TNFRSF10C: variants seen among roughly 807,000 people sequenced by gnomAD.
TNFRSF10C encodes the protein tumor necrosis factor receptor superfamily member 10C.
In TNFRSF10C, 17 loss-of-function variants were observed where a neutral mutation model predicts 16.7. The ratio of observed to expected loss-of-function variants is 1.02; its 90% CI spans 0.70 to 1.53. TNFRSF10C has a LOEUF of 1.53. TNFRSF10C is among the 40% of genes most tolerant of loss of function. The pLI, the probability that TNFRSF10C is intolerant of heterozygous loss-of-function variation, is 0.00. For missense variants in TNFRSF10C, 237 were observed against 329.7 expected, an observed-to-expected ratio of 0.72 and a Z score of 2.18; for synonymous variants, 73 against 119.7, an observed-to-expected ratio of 0.61 and a Z score of 2.55.
At chr8:23,115,197 G>A (rs1057047164) in intron 3 of TNFRSF10C, among the ~76,000 whole-genome samples, 2 of 152,054 alleles carry the variant, frequency 1.3e-5, no homozygotes, top group Non-Finnish European at 2.9e-5. Context: ...CAAGGCCTCC[G>A]TCTCCTTGCA....
chr8:23,111,708 T>G lies in TNFRSF10C; in HGVS notation c.61-12T>G, dbSNP rs1285471636. 6.2e-7 allele frequency: 1 copy of G among 1,611,968 alleles called. No homozygotes were observed. The highest frequency in any genetic ancestry group is 1.7e-5 in the Admixed American group (1 of 59,986). On this transcript the variant is annotated splice_polypyrimidine_tract_variant and intron_variant, in intron 1 of 4. Coordinates refer to ENST00000356864, the MANE Select transcript of TNFRSF10C (RefSeq NM_003841.5). ...GAAGTCACTCACACCCATCACTCCT[T>G]TGTCCCCACAGGTCCTAGCTTACTC...
intron 1 of TNFRSF10C, chr8:23,103,395 C>T (rs1190601546): frequency 3.7e-6 from 3 of 809,872 alleles, no homozygotes; most frequent in South Asian, 1.7e-5. Context: ...GGCGGTCCCC[C>T]TGGCTGCCCC....
Position 23,102,998 on chromosome 8 carries a change from A to C in TNFRSF10C, c.-124A>C. On this transcript the variant is annotated 5_prime_UTR_variant, in exon 1 of 5. Transcript: ENST00000356864. ...CTGATAGATTTTTGGGAGTTTGACC[A>C]GAGATGCAAGGGGTGAAGGAGCGCT... 4 of 1,537,416 alleles carry C rather than the reference A, an allele frequency of 2.6e-6. No homozygotes were observed. The highest frequency in any genetic ancestry group is 1.4e-5 in the African/African-American group (1 of 72,634).
chr8:23,104,223 T>C (rs1230857516), intron 1 of TNFRSF10C, among the ~76,000 whole-genome samples: 1 of 152,242 alleles, frequency 6.6e-6, no homozygotes, highest in African/African-American at 2.4e-5. Context: ...GAATGTGAAC[T>C]CTATGCGTCC....
intron 1 of TNFRSF10C, among the ~76,000 whole-genome samples, chr8:23,110,240 A>G (rs1813855929): frequency 6.6e-6 from 1 of 152,116 alleles, no homozygotes. Context: ...CCGGGAAAGA[A>G]TGATTTGGGA....
At chr8:23,103,445 G>C (rs765919077) in intron 1 of TNFRSF10C, 1 of 620,276 alleles carries the variant, frequency 1.6e-6, no homozygotes, top group South Asian at 1.9e-5. Flanking sequence ...TCGAGAGAGG[G>C]AGGGAGTCAA....
intron 2 of TNFRSF10C, 65 bp downstream of exon 2, chr8:23,111,890 G>T (rs952490551): frequency 1.0e-5 from 15 of 1,447,088 alleles, no homozygotes; most frequent in Middle Eastern, 2.0e-4. Flanking sequence ...ATGTATTTAT[G>T]ATGTACACCA....
intron 1 of TNFRSF10C, among the ~76,000 whole-genome samples, chr8:23,104,217 G>A (rs1356894405): frequency 6.6e-6 from 1 of 152,258 alleles, no homozygotes; most frequent in Non-Finnish European, 1.5e-5. Context: ...TTTTGGGAAT[G>A]TGAACTCTAT....
chr8:23,117,134 C>T lies in TNFRSF10C; in HGVS notation c.*103C>T, dbSNP rs1446299245. 16 of 1,511,146 alleles carry T rather than the reference C, an allele frequency of 1.1e-5. No individual in the cohort carries two copies. In the Middle Eastern group the frequency reaches 8.0e-4, roughly 75 times the overall value. 93.6% of individuals were successfully genotyped at this position (1,511,146 alleles called of 1,614,324 possible). On this transcript the variant is annotated 3_prime_UTR_variant, in exon 5 of 5. Transcript: ENST00000356864. ...ACACTCTCTGCCCTGCCTCCCTCTG[C>T]TGTGTTCCCACAGACAGAAACGCCT...
intron 1 of TNFRSF10C, among the ~76,000 whole-genome samples, chr8:23,111,219 CTT>C (rs56964129): frequency 1.4e-5 from 2 of 146,504 alleles, no homozygotes; most frequent in African/African-American, 2.5e-5. Context: ...TTCATTTTTT[CTT>C]TTTTTTTTTT....
In TNFRSF10C at chr8:23,111,815, G is replaced by A. The variant is rs757516121; in HGVS notation, c.156G>A (p.Glu52=). The A allele has an allele frequency of 3.1e-6, 5 of 1,614,052 alleles. No homozygotes were observed. The highest frequency in any genetic ancestry group is 2.2e-5 in the South Asian group (2 of 91,082). ...AGAGGCACAGCTTCAAGGGGGAGGA[G>A]TGTCCAGCAGGTGCACTCTTATTTT... ...QQQRHSFKGE[E]CPAGSHRSEH... Residue 52 remains glutamate (E), a synonymous_variant, in exon 2 of 5, where the codon GAG becomes GAA. Coordinates refer to ENST00000356864, the MANE Select transcript of TNFRSF10C (RefSeq NM_003841.5).
At position 23,106,343 on chromosome 8, in the gene TNFRSF10C, T is replaced by C. The variant is rs1318106887; in HGVS notation, c.60+3162T>C. On this transcript the variant is annotated intron_variant, in intron 1 of 4. Coordinates refer to ENST00000356864, the MANE Select transcript of TNFRSF10C (RefSeq NM_003841.5). ...GCAGGGCCATAGGATGTGGTACTGT[T>C]GGCCTGGAAGATGTGGTTTGATTAC... is the stretch of plus-strand genomic sequence containing the variant. Among the ~76,000 whole-genome samples the C allele has an allele frequency of 2.0e-5, 3 of 151,946 alleles. No homozygotes were observed. The East Asian group carries it at 5.8e-4, about 29-fold the overall frequency.
At chr8:23,111,937 A>T in intron 2 of TNFRSF10C, 112 bp downstream of exon 2, 1 of 1,080,260 alleles carries the variant, frequency 9.3e-7, no homozygotes, top group Non-Finnish European at 1.3e-6. Flanking sequence ...TGGAATGGCT[A>T]AATCAAGCTA....
chr8:23,110,152 C>T (rs1322906197), intron 1 of TNFRSF10C, among the ~76,000 whole-genome samples: 4 of 147,392 alleles, frequency 2.7e-5, no homozygotes, highest in African/African-American at 1.0e-4. Context: ...ATAAACCCCT[C>T]ATTAAATGAG....
intron 1 of TNFRSF10C, 168 bp downstream of exon 1, chr8:23,103,349 C>A: frequency 7.7e-7 from 1 of 1,306,396 alleles, no homozygotes; most frequent in Non-Finnish European, 1.1e-6. Flanking sequence ...GGTCCCCGGG[C>A]TGGGCAGGAG....
chr8:23,115,493 A>G lies in TNFRSF10C; in HGVS notation c.281-15A>G, dbSNP rs1585249387. ...CAGGGAAACACATTCCCAAAACCTTATGCTCTGTTGTCAGATCAAAAACAT... is the reference window on the plus strand; with the variant it reads ...CAGGGAAACACATTCCCAAAACCTTGTGCTCTGTTGTCAGATCAAAAACAT... On this transcript the variant is annotated splice_polypyrimidine_tract_variant and intron_variant, in intron 3 of 4. Coordinates refer to ENST00000356864, the MANE Select transcript of TNFRSF10C (RefSeq NM_003841.5). 1 of 1,607,616 alleles carries G rather than the reference A, an allele frequency of 6.2e-7. No homozygotes were observed. Among genetic ancestry groups the G allele is most frequent in the South Asian group, 1.1e-5 (1 of 90,636 alleles).
chr8:23,113,613 T>G (rs187554770), intron 2 of TNFRSF10C, among the ~76,000 whole-genome samples: 1 of 152,360 alleles, frequency 6.6e-6, no homozygotes, highest in Admixed American at 6.5e-5. Context: ...TGTAAATGCA[T>G]TGATTTATAC....
At chr8:23,109,803 C>A (rs1466681403) in intron 1 of TNFRSF10C, among the ~76,000 whole-genome samples, 1 of 152,006 alleles carries the variant, frequency 6.6e-6, no homozygotes, top group Admixed American at 6.6e-5. Flanking sequence ...CGGTGGCTTA[C>A]GCCTGTAATC....
At chr8:23,111,866 C>G (rs959168658) in intron 2 of TNFRSF10C, 41 bp downstream of exon 2, 1 of 1,547,308 alleles carries the variant, frequency 6.5e-7, no homozygotes, top group Non-Finnish European at 8.9e-7. Context: ...TTTTAATTGA[C>G]AGATAAACAT....
Sources: gnomAD v4.1 joint callset for allele counts (sites outside exome capture counted in the v4.1 genomes callset) on GRCh38, gnomAD v4.1.1 for gene constraint, MANE v1.5 for transcripts, NCBI Gene and HGNC (gene_info 2026-07-23, HGNC 2026-07-21) for gene names.